TBC1D19: variants seen among roughly 807,000 people sequenced by gnomAD.
The protein encoded by TBC1D19 is TBC1 domain family member 19.
Under a neutral mutation model 89.0 loss-of-function variants are expected in TBC1D19, and 60 were observed. The observed-to-expected ratio is 0.67, with a 90% CI of 0.55 to 0.84. The LOEUF (loss-of-function observed/expected upper bound fraction) is 0.84. Among genes scored for constraint, TBC1D19 ranks in the 40% least tolerant of loss-of-function variants. TBC1D19 has a pLI of 0.00. For missense variants in TBC1D19, 500 were observed against 610.8 expected (o/e 0.82, Z 1.91); for synonymous variants, 189 against 199.7 (o/e 0.95, Z 0.45).
At chr4:26,807,873 T>C in the TBC1D19 span, among the ~76,000 whole-genome samples, 3 of 152,240 alleles carry the variant, frequency 2.0e-5, no homozygotes. Context: ...TTAACTTCAA[T>C]GTTTATTACA....
At chr4:26,656,066 T>G (rs1744782457) in intron 7 of TBC1D19, among the ~76,000 whole-genome samples, 1 of 152,140 alleles carries the variant, frequency 6.6e-6, no homozygotes, top group South Asian at 2.1e-4. Flanking sequence ...GAGTTTTACT[T>G]AAAAATATTT....
chr4:26,715,356 C>T (rs1429385736), intron 13 of TBC1D19, among the ~76,000 whole-genome samples: 1 of 152,044 alleles, frequency 6.6e-6, no homozygotes, highest in East Asian at 1.9e-4. Context: ...CTCAATCTAT[C>T]AGTAACTCCC....
chr4:26,590,429 G>A (rs575968434), intron 1 of TBC1D19, among the ~76,000 whole-genome samples: 124 of 152,232 alleles, frequency 8.1e-4, no homozygotes, highest in African/African-American at 3.0e-3. Flanking sequence ...TCTTTGTCAC[G>A]TTTTATATCA....
At chr4:26,747,025 G>A (rs1718688197) in intron 18 of TBC1D19, among the ~76,000 whole-genome samples, 1 of 152,134 alleles carries the variant, frequency 6.6e-6, no homozygotes, top group African/African-American at 2.4e-5. Flanking sequence ...ACTCAAAACA[G>A]CACACAATTT....
intron 4 of TBC1D19, among the ~76,000 whole-genome samples, chr4:26,626,869 T>A (rs1159419188): frequency 2.0e-5 from 3 of 149,230 alleles, no homozygotes; most frequent in African/African-American, 7.3e-5. Flanking sequence ...TTATTTTTAT[T>A]TATTTTATTT....
chr4:26,736,642 G>A (rs571678460), intron 16 of TBC1D19, among the ~76,000 whole-genome samples: 19 of 152,300 alleles, frequency 1.2e-4, no homozygotes, highest in South Asian at 2.1e-4. Context: ...TCTAATAGGT[G>A]TAAAATCAGA....
intron 17 of TBC1D19, among the ~76,000 whole-genome samples, chr4:26,741,165 G>C (rs1201353036): frequency 6.6e-6 from 1 of 151,844 alleles, no homozygotes; most frequent in African/African-American, 2.4e-5. Flanking sequence ...GACCATCCTG[G>C]CTAACAAGGT....
At chr4:26,780,160 G>A in the TBC1D19 span, among the ~76,000 whole-genome samples, 1 of 152,146 alleles carries the variant, frequency 6.6e-6, no homozygotes, top group South Asian at 2.1e-4. Context: ...GAAAGAGAAG[G>A]GAAAAACTGA....
At chr4:26,598,433 C>T (rs1052379724) in intron 1 of TBC1D19, among the ~76,000 whole-genome samples, 1 of 152,144 alleles carries the variant, frequency 6.6e-6, no homozygotes, top group East Asian at 1.9e-4. Flanking sequence ...CTTGCTCTGT[C>T]GCCCAGACTG....
chr4:26,673,254 T>G (rs1318416952), intron 10 of TBC1D19, among the ~76,000 whole-genome samples: 1 of 151,710 alleles, frequency 6.6e-6, no homozygotes, highest in East Asian at 1.9e-4. Context: ...AGAAGTCATT[T>G]AATAGAATAG....
upstream of TBC1D19, chr4:26,583,814 A>C (rs987833328): frequency 1.5e-5 from 3 of 195,564 alleles, no homozygotes; most frequent in Non-Finnish European, 3.2e-5. Context: ...AGAAATTGAG[A>C]GGTGGAAGAG....
the TBC1D19 span, among the ~76,000 whole-genome samples, chr4:26,796,572 GC>G: frequency 6.6e-6 from 1 of 152,128 alleles, no homozygotes; most frequent in African/African-American, 2.4e-5. Context: ...GGTGGTTCAT[GC>G]CTGTAATGTC....
At chr4:26,641,066 G>A (rs1210029589) in intron 7 of TBC1D19, among the ~76,000 whole-genome samples, 1 of 152,242 alleles carries the variant, frequency 6.6e-6, no homozygotes, top group Non-Finnish European at 1.5e-5. Context: ...CCAGCACAGT[G>A]TTTGAGCTCT....
rs1011043471 is a variant in TBC1D19 at position 26,754,028 on chromosome 4, A to C, written c.1506+138A>C. 9.4e-6 allele frequency: 7 copies of C among 744,752 alleles called. No homozygotes were observed. The South Asian group carries it at 1.2e-4, about 13-fold the overall frequency. The allele number at this position is 744,752 out of a possible 1,614,324, so 46.1% of individuals were successfully genotyped here. A position where few individuals can be genotyped will look rare whatever the true frequency, so the allele number is the denominator to read the frequency against. On this transcript the variant is annotated intron_variant, in intron 20 of 20. Coordinates refer to ENST00000264866, the MANE Select transcript of TBC1D19 (RefSeq NM_018317.4). ...CTCGGGTAAAACCTGTTAAGTTCTG[A>C]GCTAATAATACTTAAGGATTCAAAT...
chr4:26,845,991 G>A, the TBC1D19 span, among the ~76,000 whole-genome samples: 2 of 152,160 alleles, frequency 1.3e-5, no homozygotes, highest in African/African-American at 4.8e-5. Context: ...ACTCCTATAA[G>A]TGGAATCATA....
upstream of TBC1D19, among the ~76,000 whole-genome samples, chr4:26,580,385 G>A (rs1739042173): frequency 6.6e-6 from 1 of 152,168 alleles, no homozygotes; most frequent in Non-Finnish European, 1.5e-5. Context: ...CAGACATCCC[G>A]AGGCAGGCAG....
At chr4:26,793,056 A>C in the TBC1D19 span, among the ~76,000 whole-genome samples, 4 of 152,334 alleles carry the variant, frequency 2.6e-5, no homozygotes, top group South Asian at 8.3e-4. Context: ...TTAAATAAAT[A>C]CCAACATCTA....
the TBC1D19 span, among the ~76,000 whole-genome samples, chr4:26,818,748 G>A: frequency 1.3e-5 from 2 of 152,064 alleles, no homozygotes; most frequent in African/African-American, 4.8e-5. Context: ...AGTTTGTCTG[G>A]GACTTTCCTG....
At chr4:26,842,434 T>C in the TBC1D19 span, among the ~76,000 whole-genome samples, 1 of 134,182 alleles carries the variant, frequency 7.5e-6, no homozygotes, top group Non-Finnish European at 1.5e-5. Flanking sequence ...AGCCTCCAAC[T>C]CCTGGGCACA....
Sources: allele counts gnomAD v4.1 joint callset (sites outside exome capture counted in the v4.1 genomes callset), GRCh38; gene constraint gnomAD v4.1.1; transcripts MANE v1.5; gene names NCBI Gene and HGNC (gene_info 2026-07-23, HGNC 2026-07-21).